Variants in BEND7 observed in about 807,000 individuals in gnomAD.
The protein encoded by BEND7 is BEN domain-containing protein 7.
A neutral mutation model predicts 50.9 loss-of-function variants in BEND7; 28 were observed. The ratio of observed to expected loss-of-function variants is 0.55; its 90% confidence interval spans 0.41 to 0.75. The LOEUF is 0.75. Among genes scored for constraint, BEND7 ranks in the 30% least tolerant of loss-of-function variants. The pLI, the probability that BEND7 is intolerant of heterozygous loss-of-function variation, is 0.00. For synonymous variants in BEND7, 170 were observed against 183.9 expected (o/e 0.92, Z 0.61); for missense variants, 477 against 491.3 (o/e 0.97, Z 0.28).
At chr10:13,524,758 C>A (rs577454610) in intron 2 of BEND7, among the ~76,000 whole-genome samples, 3 of 151,868 alleles carry the variant, frequency 2.0e-5, no homozygotes, top group East Asian at 1.9e-4. Flanking sequence ...GATTATTAAC[C>A]TTTTGGCTCC....
chr10:13,460,581 C>T (rs1051870548), intron 6 of BEND7, among the ~76,000 whole-genome samples: 5 of 152,216 alleles, frequency 3.3e-5, no homozygotes, highest in Non-Finnish European at 7.3e-5. Flanking sequence ...TGGCATATGA[C>T]CCCCGTGTTT....
At position 13,492,690 on chromosome 10, in the gene BEND7, A is replaced by G. The variant is rs759118607; in HGVS notation, c.758T>C (p.Leu253Pro). The G allele has an allele frequency of 1.9e-6, 3 of 1,614,206 alleles. No individual in the cohort carries two copies. The South Asian group carries it at 3.3e-5, about 18-fold the overall frequency. ...KSVVASELSA[L>P]QAAEHTSPEE... ...CGGGGAGGTGTGCTCGGCTGCCTGG[A>G]GAGCAGATAGCTCAGAGGCCACCAC... The change falls in exon 5 of 9, where the codon CTC (leucine) becomes CCC (proline). Residue 253 changes from leucine to proline, a missense_variant. Coordinates refer to ENST00000466271, the MANE Select transcript of BEND7 (RefSeq NM_001369863.1).
chr10:13,496,876 A>G lies in BEND7; in HGVS notation c.461T>C (p.Val154Ala). The G allele has an allele frequency of 1.2e-6, 2 of 1,603,154 alleles. No homozygotes were observed. The highest frequency in any genetic ancestry group is 1.7e-6 in the Non-Finnish European group (2 of 1,176,894). ...PTTSSNGELP[V>A]VNSSAGSNCC... ...GTTTGATCCAGCTGATGAATTCACC[A>G]CTGGAAGTTCTCCTGAGCATGAAAG... Residue 154 changes from valine (V) to alanine (A), a missense_variant, in exon 4 of 9, where the codon GTG becomes GCG. By Grantham distance (64) the Val-to-Ala change is moderately conservative. This residue lies in a region of BEND7 where 396 missense variants were observed against 384.2 expected (regional missense o/e 1.03). Coordinates refer to ENST00000466271, the MANE Select transcript of BEND7 (RefSeq NM_001369863.1).
chr10:13,524,362 A>G (rs7919735), intron 2 of BEND7, among the ~76,000 whole-genome samples: 72,266 of 152,028 alleles, frequency 0.48, 18,207 homozygotes, highest in African/African-American at 0.63. Context: ...CAGCTGACCA[A>G]CCAGGCACGG....
chr10:13,481,694 G>A (rs1033458879), intron 5 of BEND7, among the ~76,000 whole-genome samples: 1 of 152,172 alleles, frequency 6.6e-6, no homozygotes, highest in African/African-American at 2.4e-5. Context: ...AAACTAATAT[G>A]TAAAATAAGT....
chr10:13,520,424 A>C (rs1163034348), intron 2 of BEND7, among the ~76,000 whole-genome samples: 1 of 152,076 alleles, frequency 6.6e-6, no homozygotes, highest in Non-Finnish European at 1.5e-5. Context: ...GGTTACATGA[A>C]AGCTGTGGAC....
intron 6 of BEND7, among the ~76,000 whole-genome samples, chr10:13,456,081 G>C (rs1838894432): frequency 2.6e-5 from 4 of 152,132 alleles, no homozygotes; most frequent in Admixed American, 6.5e-5. Context: ...CCGTGAAGAT[G>C]CTGAAGGTGT....
At chr10:13,521,636 C>T (rs541107194) in intron 2 of BEND7, among the ~76,000 whole-genome samples, 13 of 152,296 alleles carry the variant, frequency 8.5e-5, no homozygotes, top group Non-Finnish European at 1.5e-4. Flanking sequence ...TTTTGGGGTT[C>T]CACTTTTCCC....
intron 7 of BEND7, among the ~76,000 whole-genome samples, chr10:13,451,190 CTTTTT>C (rs34416134): frequency 7.0e-6 from 1 of 142,404 alleles, no homozygotes; most frequent in Non-Finnish European, 1.5e-5. Flanking sequence ...ATTTCTCCAC[CTTTTT>C]TTTTTTTTTA....
intron 5 of BEND7, among the ~76,000 whole-genome samples, chr10:13,485,382 A>G (rs967049670): frequency 1.1e-4 from 17 of 152,242 alleles, no homozygotes; most frequent in African/African-American, 3.6e-4. Context: ...AATAGTGTAC[A>G]GATTCTGTGT....
intron 6 of BEND7, among the ~76,000 whole-genome samples, chr10:13,454,433 C>G (rs1034223715): frequency 7.2e-6 from 1 of 139,176 alleles, no homozygotes; most frequent in East Asian, 2.8e-4. Flanking sequence ...ACAGTGAGAC[C>G]CTGTCTCAAT....
At chr10:13,439,471 G>T, downstream of BEND7, 7 of 1,612,164 alleles carry the variant, frequency 4.3e-6, no homozygotes, top group Non-Finnish European at 5.9e-6. Context: ...CCACCCGGCA[G>T]AACAGTGCAG....
chr10:13,469,079 A>G (rs895991782), intron 6 of BEND7, among the ~76,000 whole-genome samples: 2 of 152,346 alleles, frequency 1.3e-5, no homozygotes, highest in Non-Finnish European at 2.9e-5. Context: ...TGGATTCAAA[A>G]TGGTATCTGC....
In BEND7 at chr10:13,480,812, T is replaced by A. The variant is rs150465691; in HGVS notation, c.1063+87A>T. 709 of 1,571,726 alleles carry A rather than the reference T, an allele frequency of 4.5e-4. No individual in the cohort carries two copies. In the African/African-American group the frequency reaches 8.4e-3, roughly 19 times the overall value. On this transcript the variant is annotated intron_variant, in intron 6 of 8. Transcript: ENST00000466271. ...AATGGCAAATGAAACTGGCCACTAG[T>A]CAGTTTACTACAATTTCAGCTGCAT...
intron 6 of BEND7, among the ~76,000 whole-genome samples, chr10:13,472,379 G>A (rs975945062): frequency 2.6e-5 from 4 of 151,450 alleles, no homozygotes; most frequent in East Asian, 2.0e-4. Flanking sequence ...GCCAATACTC[G>A]TCATCACTGT....
At chr10:13,469,764 C>T (rs551223923) in intron 6 of BEND7, among the ~76,000 whole-genome samples, 3 of 152,160 alleles carry the variant, frequency 2.0e-5, no homozygotes, top group Non-Finnish European at 4.4e-5. Flanking sequence ...CATGAGCCAC[C>T]GTGCCCAGCC....
intron 5 of BEND7, among the ~76,000 whole-genome samples, chr10:13,482,539 C>A (rs552722900): frequency 2.6e-4 from 39 of 152,288 alleles, no homozygotes; most frequent in African/African-American, 9.1e-4. Flanking sequence ...CAACATGCCA[C>A]CCCACCTATG....
chr10:13,482,552 C>A (rs950841132), intron 5 of BEND7, among the ~76,000 whole-genome samples: 1 of 152,190 alleles, frequency 6.6e-6, no homozygotes, highest in Admixed American at 6.5e-5. Context: ...CACCTATGGT[C>A]AAAGTAAACA....
chr10:13,477,429 T>C (rs1588840792), intron 6 of BEND7, among the ~76,000 whole-genome samples: 1 of 152,234 alleles, frequency 6.6e-6, no homozygotes, highest in African/African-American at 2.4e-5. Context: ...AACCATTTTA[T>C]CACTTTCTCA....
Sources: allele counts gnomAD v4.1 joint callset (sites outside exome capture counted in the v4.1 genomes callset), GRCh38; gene constraint gnomAD v4.1.1; regional missense constraint gnomAD v4.1.1; transcripts MANE v1.5; gene names NCBI Gene and HGNC (gene_info 2026-07-23, HGNC 2026-07-21).